BPI: variants seen among roughly 807,000 people sequenced by gnomAD.
The protein encoded by BPI is bactericidal permeability-increasing protein.
A neutral mutation model predicts 57.6 loss-of-function variants in BPI; 48 were observed. That is an observed-to-expected ratio of 0.83 (90% CI 0.66 to 1.06). BPI has a LOEUF of 1.06. Ranked by LOEUF, BPI falls within the 50% of genes least tolerant of loss-of-function variation. The pLI is 0.00. For synonymous variants in BPI, 237 were observed against 238.2 expected (o/e 0.99, Z 0.05); for missense variants, 651 against 609.7 (o/e 1.07, Z -0.71).
At chr20:38,322,526 T>C (rs1391235874) in intron 7 of BPI, among the ~76,000 whole-genome samples, 1 of 152,230 alleles carries the variant, frequency 6.6e-6, no homozygotes, top group African/African-American at 2.4e-5. Context: ...ATGCTCTACA[T>C]GAATGGATAC....
intron 11 of BPI, among the ~76,000 whole-genome samples, chr20:38,329,750 TCA>T (rs200926775): frequency 0.015 from 2,279 of 152,230 alleles, 50 homozygotes; most frequent in African/African-American, 0.051. Flanking sequence ...TTTTGCTCTG[TCA>T]CCCAGGCTGG....
intron 6 of BPI, 134 bp from the exon 7 acceptor site, chr20:38,320,049 G>C (rs1040001818): frequency 1.4e-6 from 1 of 738,166 alleles, no homozygotes; most frequent in African/African-American, 1.7e-5. Context: ...CTTAAGGAGA[G>C]CTCCCTGGAG....
chr20:38,335,191 G>A (rs770954302), intron 13 of BPI, among the ~76,000 whole-genome samples: 12 of 152,138 alleles, frequency 7.9e-5, no homozygotes, highest in East Asian at 1.9e-4. Flanking sequence ...GGCAGTATGT[G>A]GGGGGCTTGC....
intron 9 of BPI, among the ~76,000 whole-genome samples, chr20:38,325,162 A>G (rs2076706285): frequency 2.0e-5 from 3 of 152,192 alleles, no homozygotes; most frequent in Admixed American, 2.0e-4. Context: ...GAGCTCCCAG[A>G]CCAGTGGAGA....
chr20:38,321,260 T>C (rs1176745669), intron 7 of BPI, among the ~76,000 whole-genome samples: 4 of 143,764 alleles, frequency 2.8e-5, no homozygotes, highest in Non-Finnish European at 6.1e-5. Flanking sequence ...TGGGGGTAGA[T>C]GGATGGCTGG....
At chr20:38,313,996 TTGA>T (rs1485828944) in intron 5 of BPI, among the ~76,000 whole-genome samples, 2 of 146,698 alleles carry the variant, frequency 1.4e-5, no homozygotes, top group African/African-American at 2.5e-5. Flanking sequence ...GATTATGTGG[TTGA>T]TGATGGTGAT....
At chr20:38,321,153 A>T (rs992425099) in intron 7 of BPI, among the ~76,000 whole-genome samples, 1 of 87,252 alleles carries the variant, frequency 1.1e-5, no homozygotes, top group Non-Finnish European at 2.2e-5. Flanking sequence ...GGATGGATGG[A>T]TGGATGGATG....
intron 3 of BPI, among the ~76,000 whole-genome samples, chr20:38,310,139 C>T (rs184789583): frequency 5.8e-4 from 88 of 152,296 alleles, no homozygotes; most frequent in African/African-American, 2.0e-3. Context: ...TTTTTAGTAG[C>T]AAAGCTGAGA....
intron 11 of BPI, among the ~76,000 whole-genome samples, chr20:38,329,704 C>T (rs1467844484): frequency 6.8e-6 from 1 of 146,550 alleles, no homozygotes; most frequent in Non-Finnish European, 1.5e-5. Flanking sequence ...CTGTTCGAAA[C>T]CCTGCTTTAT....
chr20:38,330,495 G>A (rs942179013), intron 11 of BPI, among the ~76,000 whole-genome samples: 10 of 152,142 alleles, frequency 6.6e-5, no homozygotes, highest in African/African-American at 2.4e-5. Context: ...GGCCTTAAAG[G>A]GAAAATAGTA....
At chr20:38,322,961 TG>T (rs1200913089) in intron 7 of BPI, among the ~76,000 whole-genome samples, 1 of 152,244 alleles carries the variant, frequency 6.6e-6, no homozygotes, top group Non-Finnish European at 1.5e-5. Flanking sequence ...AGGTTATGTT[TG>T]TTAATTTTAA....
In BPI at chr20:38,313,684, G is replaced by A. The variant is rs538550426; in HGVS notation, c.600+1747G>A. ...TGCTGTTGATGATGATGATAATGGT[G>A]AGGTTGATGATGGTAATGGTAATGG... is the stretch of plus-strand genomic sequence containing the variant. On this transcript the variant is annotated intron_variant, in intron 5 of 14. Coordinates refer to ENST00000642449, the MANE Select transcript of BPI (RefSeq NM_001725.3). Among the ~76,000 whole-genome samples, 32 of 152,350 alleles carry A rather than the reference G, an allele frequency of 2.1e-4. No individual in the cohort carries two copies. The South Asian group carries it at 6.4e-3, about 31-fold the overall frequency.
At chr20:38,330,792 G>A (rs1258771878) in intron 11 of BPI, among the ~76,000 whole-genome samples, 2 of 152,242 alleles carry the variant, frequency 1.3e-5, no homozygotes, top group Admixed American at 6.5e-5. Context: ...AGCAATGACT[G>A]TAGCAGAAGA....
intron 12 of BPI, 88 bp from the exon 13 acceptor site, chr20:38,334,342 G>A: frequency 7.8e-7 from 1 of 1,274,240 alleles, no homozygotes; most frequent in Non-Finnish European, 1.1e-6. Context: ...GGGAAAGGAG[G>A]GTGACAGAGG....
At chr20:38,326,058 T>C (rs1228094117) in intron 9 of BPI, among the ~76,000 whole-genome samples, 1 of 152,142 alleles carries the variant, frequency 6.6e-6, no homozygotes, top group African/African-American at 2.4e-5. Context: ...AAGAGTTCCA[T>C]GTGGCCAGAG....
Position 38,310,526 on chromosome 20 carries a change from G to T in BPI, c.410G>T (p.Gly137Val), listed in dbSNP as rs193123151. Residue 137 changes from glycine to valine, a missense_variant, in exon 4 of 15, where the codon GGC becomes GTC. Gly to Val is a moderately radical substitution (Grantham distance 109). Transcript: ENST00000642449. The part of the protein sequence containing the change: ...MSGNFDLSIE[G>V]MSISADLKLG... ...GGCAATTTTGACCTGAGCATAGAAG[G>T]CATGTCCATTTCGGCTGATCTGAAG... The T allele has an allele frequency of 2.5e-6, 4 of 1,613,994 alleles. No individual in the cohort carries two copies. Among genetic ancestry groups the T allele is most frequent in the East Asian group, 4.5e-5 (2 of 44,904 alleles).
intron 3 of BPI, 82 bp from the exon 4 acceptor site, chr20:38,310,409 C>A: frequency 2.6e-6 from 4 of 1,521,956 alleles, no homozygotes; most frequent in Non-Finnish European, 3.6e-6. Flanking sequence ...AATAACAAAA[C>A]CCGCCTTCCA....
chr20:38,321,286 G>A (rs530010587), intron 7 of BPI, among the ~76,000 whole-genome samples: 118 of 150,882 alleles, frequency 7.8e-4, no homozygotes, highest in African/African-American at 2.8e-3. Context: ...TGTATTGGTG[G>A]GTGGATGGAT....
intron 8 of BPI, 113 bp downstream of exon 8, chr20:38,324,159 A>T (rs1174025392): frequency 3.1e-6 from 4 of 1,285,838 alleles, no homozygotes; most frequent in Non-Finnish European, 4.2e-6. Flanking sequence ...TAAAGTGTTG[A>T]CTCTAGAGTC....
Sources: gnomAD v4.1 joint callset for allele counts (sites outside exome capture counted in the v4.1 genomes callset) on GRCh38, gnomAD v4.1.1 for gene constraint, MANE v1.5 for transcripts, NCBI Gene and HGNC (gene_info 2026-07-23, HGNC 2026-07-21) for gene names.